The following LMBRD1 variants were observed in gnomAD, a reference collection of about 807,000 sequenced individuals.
LMBRD1 encodes lysosomal cobalamin transport escort protein LMBD1.
A neutral mutation model predicts 74.8 loss-of-function variants in LMBRD1; 64 were observed. The ratio of observed to expected loss-of-function variants is 0.86; its 90% CI spans 0.70 to 1.05. The LOEUF is 1.05. Ranked by LOEUF, LMBRD1 falls within the 50% of genes least tolerant of loss-of-function variation. The pLI is 0.00. For missense variants in LMBRD1, 652 were observed against 645.9 expected (o/e 1.01, Z -0.10); for synonymous variants, 204 against 216.3 (o/e 0.94, Z 0.50).
chr6:69,708,985 A>C (rs1186241732), intron 9 of LMBRD1, among the ~76,000 whole-genome samples: 1 of 152,236 alleles, frequency 6.6e-6, no homozygotes, highest in East Asian at 1.9e-4. Context: ...CTGTAATCCC[A>C]GCACTTTGGG....
intron 14 of LMBRD1, among the ~76,000 whole-genome samples, chr6:69,690,060 CA>C (rs1444235693): frequency 5.4e-4 from 39 of 71,756 alleles, no homozygotes; most frequent in African/African-American, 1.2e-3. Flanking sequence ...CTCATTCATT[CA>C]TTTTTTTTTT....
chr6:69,704,665 GGTCT>G (rs35259275), intron 9 of LMBRD1, among the ~76,000 whole-genome samples: 69,338 of 151,316 alleles, frequency 0.46, 16,136 homozygotes, highest in East Asian at 0.59. Flanking sequence ...GTTAGGTAGT[GGTCT>G]GTCTATTAAT....
At chr6:69,717,442 C>G (rs1766516319) in intron 8 of LMBRD1, among the ~76,000 whole-genome samples, 1 of 152,064 alleles carries the variant, frequency 6.6e-6, no homozygotes, top group Non-Finnish European at 1.5e-5. Flanking sequence ...GTATTATGCT[C>G]ATTAGAGGCT....
At chr6:69,777,558 CACTT>C (rs2149891474) in intron 3 of LMBRD1, among the ~76,000 whole-genome samples, 1 of 151,740 alleles carries the variant, frequency 6.6e-6, no homozygotes, top group Non-Finnish European at 1.5e-5. Flanking sequence ...AAAGGCAGCT[CACTT>C]AACAGTAAGA....
At position 69,790,816 on chromosome 6, in the gene LMBRD1, A is replaced by G. The variant is rs562213959; in HGVS notation, c.70-344T>C. On this transcript the variant is annotated intron_variant, in intron 1 of 15. Transcript: ENST00000649934. Reference sequence around the variant, plus strand: ...TCCCTGTAGATTTTTCCAACCTAAAAGAGATATGAGTAGAAGCTGTTCTAT... The same window carrying G: ...TCCCTGTAGATTTTTCCAACCTAAAGGAGATATGAGTAGAAGCTGTTCTAT... Among the ~76,000 whole-genome samples the G allele has an allele frequency of 2.8e-4, 43 of 152,324 alleles. 2 individuals carry two copies. Among genetic ancestry groups the G allele is most frequent in the Middle Eastern group, 3.4e-3 (1 of 294 alleles).
intron 14 of LMBRD1, among the ~76,000 whole-genome samples, chr6:69,691,982 T>G (rs1765893277): frequency 6.6e-6 from 1 of 152,106 alleles, no homozygotes; most frequent in Non-Finnish European, 1.5e-5. Flanking sequence ...CTCCAGAACT[T>G]AAAGTTCAAT....
chr6:69,696,032 C>T (rs1159491648), intron 14 of LMBRD1, among the ~76,000 whole-genome samples: 17 of 152,088 alleles, frequency 1.1e-4, no homozygotes, highest in Non-Finnish European at 2.4e-4. Context: ...TTAGTAGAGA[C>T]AAAGTTTCGC....
chr6:69,682,554 T>C, intron 14 of LMBRD1, among the ~76,000 whole-genome samples: 1 of 151,952 alleles, frequency 6.6e-6, no homozygotes, highest in Middle Eastern at 3.4e-3. Flanking sequence ...TAAAAGGGAG[T>C]ACAAGGTAAG....
chr6:69,711,201 A>G (rs887743364), intron 9 of LMBRD1, among the ~76,000 whole-genome samples: 1 of 152,170 alleles, frequency 6.6e-6, no homozygotes, highest in Admixed American at 6.6e-5. Flanking sequence ...GTGCCATGCC[A>G]AAGAAGCCAT....
At chr6:69,676,728 T>TA (rs1272462074) in intron 14 of LMBRD1, among the ~76,000 whole-genome samples, 187 bp from the exon 15 acceptor site, 1 of 152,090 alleles carries the variant, frequency 6.6e-6, no homozygotes, top group Non-Finnish European at 1.5e-5. Context: ...AATGTAGTGT[T>TA]AAAAACTGCC....
intron 1 of LMBRD1, chr6:69,790,745 T>C (rs1231905473): frequency 4.6e-6 from 2 of 431,360 alleles, no homozygotes; most frequent in Non-Finnish European, 8.6e-6. Flanking sequence ...GTGCAAACGT[T>C]AATGGTTTCA....
chr6:69,682,340 G>A (rs181312856), intron 14 of LMBRD1, among the ~76,000 whole-genome samples: 6 of 151,904 alleles, frequency 3.9e-5, no homozygotes, highest in Admixed American at 3.9e-4. Flanking sequence ...ACTGTATCAG[G>A]TTAATAAAGA....
At chr6:69,779,997 C>T (rs1765792775) in intron 3 of LMBRD1, among the ~76,000 whole-genome samples, 1 of 152,154 alleles carries the variant, frequency 6.6e-6, no homozygotes, top group South Asian at 2.1e-4. Flanking sequence ...AATACCAGCA[C>T]TCTTCTTCTT....
chr6:69,768,775 T>C (rs769845652), intron 3 of LMBRD1, among the ~76,000 whole-genome samples: 6 of 152,114 alleles, frequency 3.9e-5, no homozygotes, highest in Non-Finnish European at 5.9e-5. Context: ...TGCAATGAAT[T>C]TTCTCAGGTT....
At chr6:69,768,443 A>G (rs983060698) in intron 3 of LMBRD1, among the ~76,000 whole-genome samples, 1 of 149,282 alleles carries the variant, frequency 6.7e-6, no homozygotes, top group Non-Finnish European at 1.5e-5. Flanking sequence ...TTCACACAAT[A>G]CAGGCAAAAT....
chr6:69,749,253 C>T, intron 5 of LMBRD1, 88 bp downstream of exon 5: 3 of 1,042,392 alleles, frequency 2.9e-6, no homozygotes, highest in Non-Finnish European at 4.3e-6. Context: ...TTTTTCTTTC[C>T]TAGATTTTTC....
At chr6:69,738,578 A>T (rs1046768435) in intron 6 of LMBRD1, among the ~76,000 whole-genome samples, 2 of 150,740 alleles carry the variant, frequency 1.3e-5, no homozygotes, top group Non-Finnish European at 2.9e-5. Flanking sequence ...AGCAAACACA[A>T]CGAGAAAATA....
intron 3 of LMBRD1, 149 bp downstream of exon 3, chr6:69,780,344 TC>T: frequency 1.5e-6 from 1 of 654,576 alleles, no homozygotes; most frequent in South Asian, 1.6e-5. Context: ...CCTACTAAAC[TC>T]CCTGCTCCTT....
chr6:69,779,833 A>G (rs1245318113), intron 3 of LMBRD1, among the ~76,000 whole-genome samples: 1 of 152,242 alleles, frequency 6.6e-6, no homozygotes, highest in Non-Finnish European at 1.5e-5. Context: ...ATGTAGCTTT[A>G]TATTGTAGGA....
Sources: gnomAD v4.1 joint callset for allele counts (sites outside exome capture counted in the v4.1 genomes callset) on GRCh38, gnomAD v4.1.1 for gene constraint, MANE v1.5 for transcripts, NCBI Gene and HGNC (gene_info 2026-07-23, HGNC 2026-07-21) for gene names.